The following MACROD2 variants were observed in gnomAD, a reference collection of about 807,000 sequenced individuals.
MACROD2 encodes the protein mono-ADP ribosylhydrolase 2.
A neutral mutation model predicts 70.4 loss-of-function variants in MACROD2; 36 were observed. That is an observed-to-expected ratio of 0.51 (90% CI 0.39 to 0.68). The LOEUF is 0.68. MACROD2 is among the 30% of genes least tolerant of loss of function. The pLI, the probability that MACROD2 is intolerant of heterozygous loss-of-function variation, is 0.00. For synonymous variants in MACROD2, 172 were observed against 178.8 expected, an observed-to-expected ratio of 0.96 and a Z score of 0.30; for missense variants, 496 against 538.4, an observed-to-expected ratio of 0.92 and a Z score of 0.78.
chr20:15,569,857 A>G (rs1402034323), intron 8 of MACROD2, among the ~76,000 whole-genome samples: 1 of 152,154 alleles, frequency 6.6e-6, no homozygotes, highest in Non-Finnish European at 1.5e-5. Context: ...CATTGTATAT[A>G]TATACCACAT....
rs139939502 is a variant in MACROD2, at chr20:15,345,656, C to T, written c.541-85749C>T. On this transcript the variant is annotated intron_variant, in intron 6 of 17. Transcript: ENST00000684519. ...TTGAGAACTTTAAATGTGGCTAACG[C>T]GACTGAGGAATTACATTTTAAACTT... is the stretch of plus-strand genomic sequence containing the variant. Among the ~76,000 whole-genome samples, 60 of 152,252 alleles carry T rather than the reference C, an allele frequency of 3.9e-4. No homozygotes were observed. The East Asian group carries it at 0.011, about 28-fold the overall frequency.
intron 4 of MACROD2, among the ~76,000 whole-genome samples, chr20:14,663,843 T>A (rs1008182130): frequency 2.6e-5 from 4 of 152,078 alleles, no homozygotes; most frequent in South Asian, 4.1e-4. Flanking sequence ...CTTGGTCATA[T>A]AACATTCTGA....
intron 8 of MACROD2, among the ~76,000 whole-genome samples, chr20:15,713,244 A>T (rs2050654664): frequency 6.6e-6 from 1 of 152,180 alleles, no homozygotes; most frequent in African/African-American, 2.4e-5. Flanking sequence ...CTCAGAGTTT[A>T]AAAAAGACCA....
Position 16,050,177 on chromosome 20 carries a change from G to C in MACROD2, c.*301G>C, listed in dbSNP as rs188542054. 1.9e-3 allele frequency: 523 copies of C among 272,730 alleles called. 3 individuals are homozygous for C. Among genetic ancestry groups the C allele is most frequent in the Non-Finnish European group, 3.1e-3 (434 of 140,862 alleles). The allele number at this position is 272,730 out of a possible 1,614,324, so 16.9% of individuals were successfully genotyped here. On this transcript the variant is annotated 3_prime_UTR_variant, in exon 18 of 18. Coordinates refer to ENST00000684519, the MANE Select transcript of MACROD2 (RefSeq NM_001351661.2). ...CTTTGCCCCAGGGTCACAGTGGCTTGATTGAACACTCACATGTGTATCCTG... is the reference window on the plus strand; with the variant it reads ...CTTTGCCCCAGGGTCACAGTGGCTTCATTGAACACTCACATGTGTATCCTG...
At chr20:14,526,117 G>A (rs902138551) in intron 4 of MACROD2, among the ~76,000 whole-genome samples, 4 of 152,096 alleles carry the variant, frequency 2.6e-5, no homozygotes, top group Non-Finnish European at 5.9e-5. Context: ...CAAGGAGAGC[G>A]CAGTGCAAGT....
intron 5 of MACROD2, among the ~76,000 whole-genome samples, chr20:15,133,940 C>G (rs1336037488): frequency 7.7e-6 from 1 of 129,928 alleles, no homozygotes; most frequent in African/African-American, 3.0e-5. Flanking sequence ...GACAGAGTCT[C>G]GCTGTCGCAG....
intron 8 of MACROD2, among the ~76,000 whole-genome samples, chr20:15,713,508 A>T (rs35975577): frequency 0.041 from 6,262 of 152,102 alleles, 203 homozygotes; most frequent in Admixed American, 0.096. Context: ...TGCAAAAGGG[A>T]AGCAGGCATG....
intron 6 of MACROD2, among the ~76,000 whole-genome samples, chr20:15,265,712 C>T (rs1023201894): frequency 6.6e-6 from 1 of 152,054 alleles, no homozygotes; most frequent in Non-Finnish European, 1.5e-5. Context: ...TGAACCTTCT[C>T]TTACTGAAAA....
chr20:14,959,416 C>T (rs2423874), intron 5 of MACROD2, among the ~76,000 whole-genome samples: 3,589 of 152,216 alleles, frequency 0.024, 75 homozygotes, highest in Admixed American at 0.04. Context: ...AGGCATGAGC[C>T]GCCGCACCCA....
intron 8 of MACROD2, among the ~76,000 whole-genome samples, chr20:15,720,807 T>C (rs960492839): frequency 6.6e-6 from 1 of 152,194 alleles, no homozygotes; most frequent in Non-Finnish European, 1.5e-5. Flanking sequence ...TTAAGACATA[T>C]AAAGCCATGG....
chr20:13,997,746 A>G (rs1477660194), intron 1 of MACROD2, among the ~76,000 whole-genome samples: 1 of 152,222 alleles, frequency 6.6e-6, no homozygotes, highest in East Asian at 1.9e-4. Context: ...TTATTTTTGC[A>G]TGAAGTTTAA....
intron 13 of MACROD2, among the ~76,000 whole-genome samples, chr20:15,981,035 G>A (rs1245282989): frequency 6.6e-6 from 1 of 152,186 alleles, no homozygotes; most frequent in Non-Finnish European, 1.5e-5. Context: ...TTATGGCTAT[G>A]CTTCGTTTTC....
intron 5 of MACROD2, among the ~76,000 whole-genome samples, chr20:14,747,026 C>T (rs898901824): frequency 6.6e-6 from 1 of 152,092 alleles, no homozygotes; most frequent in African/African-American, 2.4e-5. Flanking sequence ...GGTGTGTTCC[C>T]AGAATAGCCC....
intron 6 of MACROD2, among the ~76,000 whole-genome samples, chr20:15,232,615 T>C (rs1417135122): frequency 1.3e-5 from 2 of 152,068 alleles, no homozygotes; most frequent in Non-Finnish European, 2.9e-5. Context: ...TATTTGACAA[T>C]GTTACTTCAA....
intron 5 of MACROD2, among the ~76,000 whole-genome samples, chr20:14,720,964 C>T (rs2071461173): frequency 6.6e-6 from 1 of 151,900 alleles, no homozygotes; most frequent in South Asian, 2.1e-4. Flanking sequence ...CATTAAAACT[C>T]AAGGAGTTGG....
chr20:14,866,324 C>A (rs2073427241), intron 5 of MACROD2, among the ~76,000 whole-genome samples: 3 of 152,110 alleles, frequency 2.0e-5, no homozygotes, highest in Admixed American at 2.0e-4. Flanking sequence ...GATTAATGAA[C>A]CACCTTTAGT....
chr20:16,031,999 G>T (rs1003790184), intron 15 of MACROD2, among the ~76,000 whole-genome samples: 1 of 151,968 alleles, frequency 6.6e-6, no homozygotes. Context: ...GTTGTTCAGG[G>T]TCATTTTTCA....
At chr20:14,757,155 T>G (rs561208918) in intron 5 of MACROD2, among the ~76,000 whole-genome samples, 2 of 152,298 alleles carry the variant, frequency 1.3e-5, no homozygotes, top group South Asian at 4.1e-4. Context: ...AATAAAGGTG[T>G]CTTGTAGAGT....
At chr20:14,451,426 G>A (rs1435152644) in intron 3 of MACROD2, among the ~76,000 whole-genome samples, 1 of 152,124 alleles carries the variant, frequency 6.6e-6, no homozygotes, top group Non-Finnish European at 1.5e-5. Context: ...TCCAGCCTGT[G>A]ACAGAGAGAA....
Sources: allele counts gnomAD v4.1 joint callset (sites outside exome capture counted in the v4.1 genomes callset), GRCh38; gene constraint gnomAD v4.1.1; transcripts MANE v1.5; gene names NCBI Gene and HGNC (gene_info 2026-07-23, HGNC 2026-07-21).